The following F2R variants were observed in gnomAD, a reference collection of about 807,000 sequenced individuals.
The protein encoded by F2R is coagulation factor II thrombin receptor, also known as proteinase-activated receptor 1.
Under a neutral mutation model 18.3 loss-of-function variants are expected in F2R, and 12 were observed. The observed-to-expected ratio is 0.66, with a 90% CI of 0.42 to 1.06. The LOEUF is 1.06. Among genes scored for constraint, F2R ranks in the 50% least tolerant of loss-of-function variants. The pLI, the probability that F2R is intolerant of heterozygous loss-of-function variation, is 0.00. For synonymous variants in F2R, 210 were observed against 219.9 expected (o/e 0.95, Z 0.40); for missense variants, 438 against 530.8 (o/e 0.83, Z 1.72).
Position 76,716,416 on chromosome 5 carries a change from G to T in F2R, c.88+21G>T, listed in dbSNP as rs919679625. The T allele has an allele frequency of 3.5e-6, 5 of 1,422,750 alleles. No individual in the cohort carries two copies. In the African/African-American group the frequency reaches 7.3e-5, roughly 21 times the overall value. 88.1% of individuals were successfully genotyped at this position (1,422,750 alleles called of 1,614,324 possible). A position where few individuals can be genotyped will look rare whatever the true frequency, so the allele number is the denominator to read the frequency against. ...GCCAGGTGAGAGATGCACGGGAATG[G>T]GGTGCGCGGGCGGAGGGACGCCGAG... On this transcript the variant is annotated intron_variant, in intron 1 of 1. Coordinates refer to ENST00000319211, the MANE Select transcript of F2R (RefSeq NM_001992.5).
Position 76,732,822 on chromosome 5 carries a change from C to A in F2R, c.597C>A (p.Asp199Glu), listed in dbSNP as rs1306184965. ...SILLMTVISI[D>E]RFLAVVYPMQ... ...TGCTCATGACAGTCATAAGCATTGA[C>A]CGGTTTCTGGCTGTGGTGTATCCCA... The change falls in exon 2 of 2, where the codon GAC becomes GAA. Residue 199 changes from aspartate to glutamate, a missense_variant. Coordinates refer to ENST00000319211, the MANE Select transcript of F2R (RefSeq NM_001992.5). 8 of 1,614,194 alleles carry A rather than the reference C, an allele frequency of 5.0e-6. No homozygotes were observed. The highest frequency in any genetic ancestry group is 6.8e-6 in the Non-Finnish European group (8 of 1,180,042).
In F2R at chr5:76,732,475, C is replaced by T. The variant is rs1340657041; in HGVS notation, c.250C>T (p.Leu84Phe). ...INKSSPLQKQ[L>F]PAFISEDASG... ...TAAAAGCAGTCCTCTTCAAAAACAA[C>T]TTCCTGCATTCATCTCAGAAGATGC... Residue 84 changes from leucine (L) to phenylalanine (F), a missense_variant, in exon 2 of 2, where the codon CTT (leucine) becomes TTT (phenylalanine). By Grantham distance (22) the Leu-to-Phe change is conservative. Coordinates refer to ENST00000319211, the MANE Select transcript of F2R (RefSeq NM_001992.5). The T allele has an allele frequency of 3.7e-6, 6 of 1,614,062 alleles. No homozygotes were observed. In the South Asian group the frequency reaches 5.5e-5, roughly 15 times the overall value.
Position 76,733,108 on chromosome 5 carries a change from C to A in F2R, c.883C>A (p.Arg295=). The change falls in exon 2 of 2, where the codon CGA becomes AGA. Residue 295 remains arginine, a synonymous_variant. Transcript: ENST00000319211. ...CACGGTCTGTTATGTGTCTATCATT[C>A]GATGTCTTAGCTCTTCCGCAGTTGC... ...ISTVCYVSII[R]CLSSSAVANR... 6.2e-7 allele frequency: 1 copy of A among 1,614,150 alleles called. No homozygotes were observed. The highest frequency in any genetic ancestry group is 8.5e-7 in the Non-Finnish European group (1 of 1,180,032).
intron 1 of F2R, 21 bp from the exon 2 acceptor site, chr5:76,732,293 T>C (rs1288901935): frequency 6.5e-7 from 1 of 1,550,098 alleles, no homozygotes; most frequent in East Asian, 2.3e-5. Context: ...CATTTAAAAT[T>C]TTTTTAATTT....
intron 1 of F2R, among the ~76,000 whole-genome samples, chr5:76,724,793 A>G (rs2227828): frequency 2.6e-5 from 4 of 152,200 alleles, no homozygotes; most frequent in Non-Finnish European, 1.5e-5. Context: ...TTCTTTGAAG[A>G]TGTTCAATGT....
chr5:76,719,446 G>C (rs1449117546), intron 1 of F2R, among the ~76,000 whole-genome samples: 2 of 152,170 alleles, frequency 1.3e-5, no homozygotes, highest in Non-Finnish European at 2.9e-5. Context: ...AAAATTAGCT[G>C]GGTATGGTGG....
At chr5:76,717,608 G>T (rs1215872910) in intron 1 of F2R, among the ~76,000 whole-genome samples, 1 of 152,158 alleles carries the variant, frequency 6.6e-6, no homozygotes, top group African/African-American at 2.4e-5. Context: ...GCAGTAACTA[G>T]CCTGCCTGCA....
intron 1 of F2R, among the ~76,000 whole-genome samples, chr5:76,719,630 G>A (rs37245): frequency 0.44 from 66,861 of 151,498 alleles, 15,845 homozygotes; most frequent in East Asian, 0.71. Context: ...CCACAGGCCT[G>A]TCTCTCCGAA....
intron 1 of F2R, among the ~76,000 whole-genome samples, chr5:76,728,954 G>C (rs1312649905): frequency 6.6e-6 from 1 of 152,186 alleles, no homozygotes; most frequent in Non-Finnish European, 1.5e-5. Flanking sequence ...GCCTCCCAAA[G>C]TGCTGGGATT....
intron 1 of F2R, among the ~76,000 whole-genome samples, chr5:76,718,356 A>G (rs1351156595): frequency 1.3e-5 from 2 of 152,252 alleles, no homozygotes; most frequent in African/African-American, 2.4e-5. Flanking sequence ...TGCATTGACA[A>G]TTCTAAGCAT....
chr5:76,721,241 A>G (rs1175375155), intron 1 of F2R, among the ~76,000 whole-genome samples: 1 of 152,156 alleles, frequency 6.6e-6, no homozygotes, highest in African/African-American at 2.4e-5. Context: ...AGGACTCCAT[A>G]GTTTTACCAT....
Position 76,733,275 on chromosome 5 carries a change from C to G in F2R, c.1050C>G (p.Tyr350Ter), listed in dbSNP as rs1473478316. ...ACACTTCCACCACAGAGGCTGCCTA[C>G]TTTGCCTACCTCCTCTGTGTCTGTG... ...LSHTSTTEAA[Y>*]FAYLLCVCVS... is the part of the protein sequence containing the mutation. Residue 350 changes from tyrosine to a stop codon, truncating the protein, a stop_gained, in exon 2 of 2, where the codon TAC becomes TAG. Coordinates refer to ENST00000319211, the MANE Select transcript of F2R (RefSeq NM_001992.5). LOFTEE classifies it high-confidence loss of function. 2 of 1,614,082 alleles carry G rather than the reference C, an allele frequency of 1.2e-6. No individual in the cohort carries two copies. Among genetic ancestry groups the G allele is most frequent in the Middle Eastern group, 1.6e-4 (1 of 6,084 alleles).
chr5:76,717,018 G>A (rs27135), intron 1 of F2R, among the ~76,000 whole-genome samples: 65,803 of 151,962 alleles, frequency 0.43, 15,630 homozygotes, highest in East Asian at 0.71. Flanking sequence ...AGGGGACATG[G>A]AGAGGATTTT....
intron 1 of F2R, among the ~76,000 whole-genome samples, chr5:76,725,653 T>C (rs1748540712): frequency 6.6e-6 from 1 of 152,144 alleles, no homozygotes; most frequent in Non-Finnish European, 1.5e-5. Flanking sequence ...TCCGACATTC[T>C]TTAATTTCAC....
Position 76,732,559 on chromosome 5 carries a change from G to A in F2R, c.334G>A (p.Val112Met). 1 of 1,614,202 alleles carries A rather than the reference G, an allele frequency of 6.2e-7. No homozygotes were observed. Among genetic ancestry groups the A allele is most frequent in the South Asian group, 1.1e-5 (1 of 91,086 alleles). Residue 112 changes from valine (V) to methionine (M), a missense_variant, in exon 2 of 2, where the codon GTG (valine) becomes ATG (methionine). Transcript: ENST00000319211. ...CTTTGTCCCATCTGTGTACACCGGA[G>A]TGTTTGTAGTCAGCCTCCCACTAAA... ...TLFVPSVYTGVFVVSLPLNIM... is the reference protein window; with the variant it reads ...TLFVPSVYTGMFVVSLPLNIM...
intron 1 of F2R, among the ~76,000 whole-genome samples, chr5:76,720,056 G>A (rs1748418307): frequency 6.6e-6 from 1 of 152,134 alleles, no homozygotes; most frequent in Non-Finnish European, 1.5e-5. Flanking sequence ...GATTTCTTAT[G>A]AGTCAGCAAG....
rs539270072 is a variant in F2R at position 76,735,709 on chromosome 5, T to C, written c.*2206T>C. The C allele has an allele frequency of 6.6e-6, 1 of 152,352 alleles. No individual in the cohort carries two copies. Among genetic ancestry groups the C allele is most frequent in the South Asian group, 2.1e-4 (1 of 4,834 alleles). The allele number at this position is 152,352 out of a possible 1,614,324, so 9.4% of individuals were successfully genotyped here. On this transcript the variant is annotated 3_prime_UTR_variant, in exon 2 of 2. Transcript: ENST00000319211. ...ATGTACTTACAAAATAGTATGTCAC[T>C]GTTTTTATGTTCATTCTTAAAAACA... is the stretch of plus-strand genomic sequence containing the variant.
chr5:76,727,749 TA>T (rs1163054603), intron 1 of F2R, among the ~76,000 whole-genome samples: 3 of 151,954 alleles, frequency 2.0e-5, no homozygotes, highest in Non-Finnish European at 4.4e-5. Context: ...AGTTCATTTC[TA>T]TAAAATATTT....
intron 1 of F2R, among the ~76,000 whole-genome samples, chr5:76,719,881 G>A (rs530142198): frequency 3.9e-5 from 6 of 152,156 alleles, no homozygotes; most frequent in Middle Eastern, 3.4e-3. Context: ...ATTTACTTTC[G>A]CTAACAGATG....
Sources: gnomAD v4.1 joint callset for allele counts (sites outside exome capture counted in the v4.1 genomes callset) on GRCh38, gnomAD v4.1.1 for gene constraint, MANE v1.5 for transcripts, NCBI Gene and HGNC (gene_info 2026-07-23, HGNC 2026-07-21) for gene names.